The following ADGRG5 variants were observed in gnomAD, a reference collection of about 807,000 sequenced individuals.
ADGRG5 encodes G protein-coupled receptor 114.
ADGRG5 carries 37 observed loss-of-function variants against 53.2 expected under a neutral mutation model. That is an observed-to-expected ratio of 0.70 (90% CI 0.53 to 0.91). The LOEUF is 0.91. Ranked by LOEUF, ADGRG5 falls within the 40% of genes least tolerant of loss-of-function variation. The pLI is 0.00. For synonymous variants in ADGRG5, 277 were observed against 290.4 expected, an observed-to-expected ratio of 0.95 and a Z score of 0.47; for missense variants, 614 against 675.8, an observed-to-expected ratio of 0.91 and a Z score of 1.01.
upstream of ADGRG5, among the ~76,000 whole-genome samples, chr16:57,540,979 C>T (rs901363020): frequency 1.7e-4 from 26 of 152,148 alleles, no homozygotes; most frequent in Admixed American, 5.2e-4. Context: ...TTAGTAGAGA[C>T]GGGGTTTTGC....
intron 1 of ADGRG5, among the ~76,000 whole-genome samples, chr16:57,558,452 G>A (rs181981838): frequency 4.1e-4 from 62 of 152,316 alleles, no homozygotes; most frequent in African/African-American, 1.3e-3. Context: ...CTCTCTTCGT[G>A]TTCTAGTCCC....
chr16:57,568,672 A>G (rs1264812732), intron 9 of ADGRG5, among the ~76,000 whole-genome samples: 48 of 142,206 alleles, frequency 3.4e-4, no homozygotes, highest in Non-Finnish European at 3.4e-4. Flanking sequence ...CTTCACCTCC[A>G]CCACCACCTC....
chr16:57,559,011 AAT>A (rs1491115910), intron 1 of ADGRG5, among the ~76,000 whole-genome samples: 1 of 115,416 alleles, frequency 8.7e-6, no homozygotes, highest in Non-Finnish European at 1.7e-5. Context: ...ACATCTGCCT[AAT>A]TTTTTTTTTT....
intron 1 of ADGRG5, among the ~76,000 whole-genome samples, chr16:57,544,580 G>A (rs557339087): frequency 3.3e-5 from 5 of 152,282 alleles, no homozygotes; most frequent in Admixed American, 3.3e-4. Flanking sequence ...GGGGGTAAGA[G>A]CCTGGTCTTA....
upstream of ADGRG5, among the ~76,000 whole-genome samples, chr16:57,540,177 A>G (rs2032469664): frequency 6.6e-6 from 1 of 152,196 alleles, no homozygotes; most frequent in Non-Finnish European, 1.5e-5. Flanking sequence ...TGGGAGGCAG[A>G]GGTTGCAGTG....
intron 1 of ADGRG5, among the ~76,000 whole-genome samples, chr16:57,552,932 A>G (rs540120391): frequency 6.6e-6 from 1 of 152,270 alleles, no homozygotes; most frequent in South Asian, 2.1e-4. Context: ...GTTGTGTCCT[A>G]GAGAATAGGG....
intron 1 of ADGRG5, among the ~76,000 whole-genome samples, chr16:57,544,775 T>TTTTG (rs1468550122): frequency 1.2e-4 from 19 of 152,240 alleles, no homozygotes; most frequent in African/African-American, 4.1e-4. Context: ...CTTTCTGTTT[T>TTTTG]TTTGTTTGTT....
At chr16:57,531,790 T>G in the ADGRG5 span, among the ~76,000 whole-genome samples, 1 of 152,200 alleles carries the variant, frequency 6.6e-6, no homozygotes, top group Non-Finnish European at 1.5e-5. Context: ...CTCTGTGCCC[T>G]AGGCCCCTCC....
chr16:57,535,821 T>G, the ADGRG5 span, among the ~76,000 whole-genome samples: 1 of 152,076 alleles, frequency 6.6e-6, no homozygotes, highest in Non-Finnish European at 1.5e-5. Context: ...CTCTAACAGG[T>G]GGGCAGACCT....
At chr16:57,545,068 C>T (rs557199989) in intron 1 of ADGRG5, among the ~76,000 whole-genome samples, 1 of 152,252 alleles carries the variant, frequency 6.6e-6, no homozygotes, top group African/African-American at 2.4e-5. Flanking sequence ...TGAGCCACCA[C>T]ACCCGGCTCC....
At chr16:57,534,636 C>T in the ADGRG5 span, among the ~76,000 whole-genome samples, 1 of 152,154 alleles carries the variant, frequency 6.6e-6, no homozygotes, top group African/African-American at 2.4e-5. Context: ...GCACAGGGCC[C>T]AGCATACAGC....
chr16:57,532,382 C>T, the ADGRG5 span, among the ~76,000 whole-genome samples: 2 of 152,216 alleles, frequency 1.3e-5, no homozygotes, highest in Non-Finnish European at 2.9e-5. Context: ...ACACCACTGA[C>T]ACCCCAGGAG....
At chr16:57,536,573 A>C in the ADGRG5 span, 6 of 151,974 alleles carry the variant, frequency 3.9e-5, no homozygotes, top group African/African-American at 1.4e-4. Flanking sequence ...TGCAGCTGCG[A>C]CCGCCGCCGG....
chr16:57,533,908 C>T, the ADGRG5 span, among the ~76,000 whole-genome samples: 2 of 152,150 alleles, frequency 1.3e-5, no homozygotes, highest in African/African-American at 2.4e-5. Flanking sequence ...GTGCGTGGGG[C>T]GTGGCCTCCT....
At chr16:57,533,388 C>T in the ADGRG5 span, among the ~76,000 whole-genome samples, 1 of 152,016 alleles carries the variant, frequency 6.6e-6, no homozygotes, top group African/African-American at 2.4e-5. Context: ...GCAGCCAGAC[C>T]CTGCCTTGCA....
intron 1 of ADGRG5, among the ~76,000 whole-genome samples, chr16:57,561,193 C>T (rs2032992164): frequency 6.6e-6 from 1 of 152,234 alleles, no homozygotes; most frequent in African/African-American, 2.4e-5. Flanking sequence ...GCCAACACCA[C>T]ACCTCTCCCC....
At chr16:57,563,320 A>T in intron 4 of ADGRG5, 73 bp downstream of exon 4, 5 of 1,377,922 alleles carry the variant, frequency 3.6e-6, no homozygotes, top group Non-Finnish European at 5.1e-6. Flanking sequence ...TAAGGTCTGG[A>T]CTTTCTTTAG....
At chr16:57,536,228 G>A in the ADGRG5 span, among the ~76,000 whole-genome samples, 6 of 141,192 alleles carry the variant, frequency 4.2e-5, no homozygotes, top group African/African-American at 7.7e-5. Flanking sequence ...CGTCCGGCCC[G>A]GGCCGCGGCA....
chr16:57,533,378 G>T, the ADGRG5 span, among the ~76,000 whole-genome samples: 1 of 151,986 alleles, frequency 6.6e-6, no homozygotes, highest in Non-Finnish European at 1.5e-5. Context: ...AGACCCAAGG[G>T]CAGCCAGACC....
Sources: allele counts gnomAD v4.1 joint callset (sites outside exome capture counted in the v4.1 genomes callset), GRCh38; gene constraint gnomAD v4.1.1; transcripts MANE v1.5; gene names NCBI Gene and HGNC (gene_info 2026-07-23, HGNC 2026-07-21).